Variants in ERAP1 observed in about 807,000 individuals in gnomAD.
ERAP1 encodes the protein endoplasmic reticulum aminopeptidase 1, also known as adipocyte-derived leucine aminopeptidase.
In ERAP1, 86 loss-of-function variants were observed where a neutral mutation model predicts 103.7. The ratio of observed to expected loss-of-function variants is 0.83; its 90% CI spans 0.70 to 0.99. The LOEUF is 0.99. Ranked by LOEUF, ERAP1 falls within the 50% of genes least tolerant of loss-of-function variation. The pLI is 0.00. For missense variants in ERAP1, 1,009 were observed against 1,128.4 expected (o/e 0.89, Z 1.52); for synonymous variants, 398 against 402.4 (o/e 0.99, Z 0.13).
At chr5:96,854,191 C>T in the ERAP1 span, among the ~76,000 whole-genome samples, 1 of 152,182 alleles carries the variant, frequency 6.6e-6, no homozygotes, top group Non-Finnish European at 1.5e-5. Flanking sequence ...TAGTATCAAC[C>T]TCCTAAATCT....
chr5:96,905,412 A>C, the ERAP1 span, among the ~76,000 whole-genome samples: 6,010 of 152,280 alleles, frequency 0.039, 370 homozygotes, highest in African/African-American at 0.14. Context: ...TTATGAGTCT[A>C]ATTTCTAGTT....
At chr5:96,917,486 G>C in the ERAP1 span, 1 of 1,606,560 alleles carries the variant, frequency 6.2e-7, no homozygotes, top group Non-Finnish European at 8.5e-7. Context: ...TGAATCTCTT[G>C]AGGCTCAAGG....
chr5:96,909,553 C>T, the ERAP1 span: 5 of 1,590,628 alleles, frequency 3.1e-6, no homozygotes, highest in Admixed American at 8.3e-5. Flanking sequence ...TTTAGCCTCT[C>T]TGTTAACCAT....
the ERAP1 span, among the ~76,000 whole-genome samples, chr5:96,932,443 A>T: frequency 9.2e-5 from 14 of 152,246 alleles, no homozygotes; most frequent in Admixed American, 2.0e-4. Flanking sequence ...AATGGAATAG[A>T]CTTCTAATAG....
At position 96,783,038 on chromosome 5, in the gene ERAP1, A is replaced by G. The variant is rs200123136; in HGVS notation, c.2285+13T>C. The G allele has an allele frequency of 6.2e-7, 1 of 1,613,804 alleles. No individual in the cohort carries two copies. The highest frequency in any genetic ancestry group is 1.3e-5 in the African/African-American group (1 of 75,054). On this transcript the variant is annotated intron_variant, in intron 15 of 18. Transcript: ENST00000443439. ...CTTCACATCAACAAATTGGTTATTTAGTAAGGACTGACCTCAAGTTTCCAT... is the reference window on the plus strand; with the variant it reads ...CTTCACATCAACAAATTGGTTATTTGGTAAGGACTGACCTCAAGTTTCCAT...
chr5:96,844,088 T>G, the ERAP1 span, among the ~76,000 whole-genome samples: 7 of 152,302 alleles, frequency 4.6e-5, no homozygotes, highest in African/African-American at 1.7e-4. Context: ...GCCCTACAAA[T>G]AAACACCCTT....
intron 19 of ERAP1, chr5:96,768,276 G>C: frequency 2.4e-6 from 1 of 424,252 alleles, no homozygotes; most frequent in Middle Eastern, 3.6e-4. Context: ...GTAGAGAGGG[G>C]GTTTCGCCAT....
chr5:96,808,321 G>T (rs568178789), upstream of ERAP1: 108 of 581,068 alleles, frequency 1.9e-4, 3 homozygotes, highest in South Asian at 8.3e-3. Flanking sequence ...GCGAGGGTTA[G>T]GGGCATGCAG....
chr5:96,831,415 C>G, the ERAP1 span, among the ~76,000 whole-genome samples: 1 of 152,186 alleles, frequency 6.6e-6, no homozygotes, highest in African/African-American at 2.4e-5. Context: ...CAAATCATAT[C>G]ACTGGCAAAT....
chr5:96,780,334 CACA>C (rs1774970771), intron 18 of ERAP1, 86 bp downstream of exon 18: 1 of 948,524 alleles, frequency 1.1e-6, no homozygotes, highest in African/African-American at 1.7e-5. Flanking sequence ...TCTAACTCAC[CACA>C]CCCTCAAAGT....
chr5:96,834,798 T>C, the ERAP1 span, among the ~76,000 whole-genome samples: 7 of 152,344 alleles, frequency 4.6e-5, no homozygotes, highest in East Asian at 1.9e-4. Context: ...CATAATTGCA[T>C]GGTGTTTAAC....
the ERAP1 span, among the ~76,000 whole-genome samples, chr5:96,856,485 G>T: frequency 6.6e-6 from 1 of 150,806 alleles, no homozygotes; most frequent in African/African-American, 2.4e-5. Flanking sequence ...TGAGCTATTT[G>T]ACACCAACCT....
rs764265980 is a variant in ERAP1 at position 96,803,830 on chromosome 5, G to C, written c.97C>G (p.Gln33Glu). ...CGTTTTGGAGATGCTTCAGTGCTCT[G>C]ACACCATGAAGGAGTGGACACAGTT... ...LLTVSTPSWCQSTEASPKRSD... is the reference protein window; with the variant it reads ...LLTVSTPSWCESTEASPKRSD... The change falls in exon 2 of 19, where the codon CAG (glutamine) becomes GAG (glutamate). Residue 33 changes from glutamine to glutamate, a missense_variant. By Grantham distance (29) the Gln-to-Glu change is conservative. Transcript: ENST00000443439. The C allele has an allele frequency of 4.7e-5, 76 of 1,614,006 alleles. No homozygotes were observed. The highest frequency in any genetic ancestry group is 6.4e-5 in the Non-Finnish European group (75 of 1,180,050).
chr5:96,901,845 CG>C, the ERAP1 span, among the ~76,000 whole-genome samples: 1 of 152,164 alleles, frequency 6.6e-6, no homozygotes, highest in Admixed American at 6.5e-5. Context: ...TCATATAACC[CG>C]GACTTCTTTG....
At chr5:96,835,506 A>G in the ERAP1 span, among the ~76,000 whole-genome samples, 1 of 152,174 alleles carries the variant, frequency 6.6e-6, no homozygotes, top group African/African-American at 2.4e-5. Flanking sequence ...ACATCCTTAC[A>G]TGTAGGGAAG....
the ERAP1 span, among the ~76,000 whole-genome samples, chr5:96,896,057 G>A: frequency 2.0e-5 from 3 of 152,148 alleles, no homozygotes; most frequent in Non-Finnish European, 4.4e-5. Context: ...GATTGCAGAT[G>A]ATAGGTCTAG....
At chr5:96,836,784 A>G in the ERAP1 span, among the ~76,000 whole-genome samples, 3 of 152,242 alleles carry the variant, frequency 2.0e-5, no homozygotes, top group Non-Finnish European at 2.9e-5. Flanking sequence ...GCATCCATTG[A>G]AAAGCAGGCC....
At chr5:96,887,868 G>A in the ERAP1 span, among the ~76,000 whole-genome samples, 29 of 152,188 alleles carry the variant, frequency 1.9e-4, no homozygotes, top group Non-Finnish European at 3.7e-4. Flanking sequence ...GCTGATGCCT[G>A]TAATCCCAGC....
downstream of ERAP1, among the ~76,000 whole-genome samples, chr5:96,770,823 C>T (rs1387081096): frequency 1.3e-5 from 2 of 152,140 alleles, no homozygotes; most frequent in African/African-American, 2.4e-5. Flanking sequence ...GTTCTTGACA[C>T]AACCCAATTT....
Sources: gnomAD v4.1 joint callset for allele counts (sites outside exome capture counted in the v4.1 genomes callset) on GRCh38, gnomAD v4.1.1 for gene constraint, MANE v1.5 for transcripts, NCBI Gene and HGNC (gene_info 2026-07-23, HGNC 2026-07-21) for gene names.